Variants in KDM4C observed in about 807,000 individuals in gnomAD.
The protein encoded by KDM4C is lysine demethylase 4C.
Under a neutral mutation model 129.3 loss-of-function variants are expected in KDM4C, and 81 were observed. That is an observed-to-expected ratio of 0.63 (90% CI 0.52 to 0.75). The LOEUF (loss-of-function observed/expected upper bound fraction) is 0.75, where lower values mean the gene tolerates loss of function less well. Among genes scored for constraint, KDM4C ranks in the 30% least tolerant of loss-of-function variants. KDM4C has a pLI of 0.00. For synonymous variants in KDM4C, 573 were observed against 456.1 expected, an observed-to-expected ratio of 1.26 and a Z score of -3.26; for missense variants, 1,457 against 1,304.0, an observed-to-expected ratio of 1.12 and a Z score of -1.81.
chr9:6,935,438 A>T (rs1171578536), intron 8 of KDM4C, among the ~76,000 whole-genome samples: 1 of 150,830 alleles, frequency 6.6e-6, no homozygotes, highest in Non-Finnish European at 1.5e-5. Context: ...TTTTTTTGAG[A>T]TGGAGTCTTG....
At chr9:6,765,446 T>C (rs1820421466) in intron 1 of KDM4C, among the ~76,000 whole-genome samples, 1 of 152,190 alleles carries the variant, frequency 6.6e-6, no homozygotes, top group South Asian at 2.1e-4. Context: ...CTTAATTCCC[T>C]GTATTTTTCC....
intron 19 of KDM4C, among the ~76,000 whole-genome samples, chr9:7,128,541 C>T (rs534974597): frequency 1.3e-5 from 2 of 152,264 alleles, no homozygotes; most frequent in South Asian, 2.1e-4. Context: ...CCTATTCAAA[C>T]CATAGCAGAT....
intron 8 of KDM4C, among the ~76,000 whole-genome samples, chr9:6,903,775 A>G (rs778257120): frequency 6.6e-6 from 1 of 152,226 alleles, no homozygotes; most frequent in African/African-American, 2.4e-5. Flanking sequence ...TAAAAATAAA[A>G]ATATTTAATG....
intron 18 of KDM4C, among the ~76,000 whole-genome samples, chr9:7,119,614 C>G (rs1200236745): frequency 6.7e-6 from 1 of 149,084 alleles, no homozygotes; most frequent in Non-Finnish European, 1.5e-5. Flanking sequence ...CCTTTCCGGT[C>G]AGGGAACCAA....
intron 6 of KDM4C, among the ~76,000 whole-genome samples, chr9:6,881,255 A>G (rs1397399339): frequency 1.3e-5 from 2 of 152,206 alleles, no homozygotes; most frequent in Admixed American, 1.3e-4. Flanking sequence ...TTATAGTATT[A>G]CATTTTAAGA....
At chr9:6,757,830 A>G (rs1203923933), upstream of KDM4C, 1 of 985,538 alleles carries the variant, frequency 1.0e-6, no homozygotes, top group South Asian at 4.7e-5. Flanking sequence ...GATGCGCGCC[A>G]GCAAGCCTAA....
intron 1 of KDM4C, among the ~76,000 whole-genome samples, chr9:6,733,008 G>T (rs577199297): frequency 6.6e-6 from 1 of 151,206 alleles, no homozygotes; most frequent in Non-Finnish European, 1.5e-5. Context: ...GCAAGACTCC[G>T]TCTCAAAAAA....
At chr9:7,154,934 T>C (rs1198334083) in intron 19 of KDM4C, among the ~76,000 whole-genome samples, 1 of 152,194 alleles carries the variant, frequency 6.6e-6, no homozygotes, top group East Asian at 1.9e-4. Context: ...TCAAAGAGTC[T>C]GGACAGCAAC....
At chr9:6,957,056 A>T (rs997932114) in intron 8 of KDM4C, among the ~76,000 whole-genome samples, 1 of 152,130 alleles carries the variant, frequency 6.6e-6, no homozygotes, top group African/African-American at 2.4e-5. Context: ...TTGCTGACCC[A>T]CTTCATAGTG....
chr9:7,129,003 G>A (rs756474250), intron 19 of KDM4C, among the ~76,000 whole-genome samples: 32 of 152,074 alleles, frequency 2.1e-4, no homozygotes, highest in Non-Finnish European at 3.1e-4. Context: ...ATCAAATCTC[G>A]TGACTGAGAG....
chr9:6,751,624 T>A (rs543522945), intron 1 of KDM4C, among the ~76,000 whole-genome samples: 43 of 152,246 alleles, frequency 2.8e-4, no homozygotes, highest in African/African-American at 1.0e-3. Context: ...TATATTAACA[T>A]TAGTTCAAGA....
intron 17 of KDM4C, among the ~76,000 whole-genome samples, chr9:7,081,182 A>G (rs1834484237): frequency 6.6e-6 from 1 of 152,206 alleles, no homozygotes; most frequent in Non-Finnish European, 1.5e-5. Flanking sequence ...TGTTGTCAGT[A>G]AACCTGAAGT....
At chr9:6,906,181 TGA>T (rs1818275641) in intron 8 of KDM4C, among the ~76,000 whole-genome samples, 1 of 152,242 alleles carries the variant, frequency 6.6e-6, no homozygotes, top group Admixed American at 6.5e-5. Flanking sequence ...GATTTCATGA[TGA>T]GAGAGCACTT....
intron 5 of KDM4C, among the ~76,000 whole-genome samples, chr9:6,877,723 G>A (rs1319533995): frequency 2.6e-5 from 4 of 152,158 alleles, no homozygotes; most frequent in Admixed American, 6.5e-5. Context: ...TTCATGGCAA[G>A]AACAATGATT....
At chr9:7,031,840 A>T (rs918187497) in intron 15 of KDM4C, among the ~76,000 whole-genome samples, 1 of 152,182 alleles carries the variant, frequency 6.6e-6, no homozygotes, top group Non-Finnish European at 1.5e-5. Context: ...CATAAATCAT[A>T]GTTATAGAAT....
intron 17 of KDM4C, among the ~76,000 whole-genome samples, chr9:7,083,845 T>C (rs1008363608): frequency 1.3e-5 from 2 of 152,080 alleles, no homozygotes; most frequent in African/African-American, 4.8e-5. Flanking sequence ...AGAGGTTGTG[T>C]CCACTGTAAC....
chr9:6,963,096 C>T (rs564087253), intron 8 of KDM4C, among the ~76,000 whole-genome samples: 1 of 152,294 alleles, frequency 6.6e-6, no homozygotes, highest in East Asian at 1.9e-4. Context: ...TTGGTTTTCT[C>T]ATCTGTTATG....
At chr9:6,749,856 C>T (rs1012600860) in intron 1 of KDM4C, among the ~76,000 whole-genome samples, 3 of 151,226 alleles carry the variant, frequency 2.0e-5, no homozygotes, top group Non-Finnish European at 4.4e-5. Context: ...TGTGGTGGTG[C>T]ATGCCTGTAA....
chr9:6,863,885 A>C (rs1205838537), intron 5 of KDM4C, among the ~76,000 whole-genome samples: 1 of 151,570 alleles, frequency 6.6e-6, no homozygotes, highest in African/African-American at 2.4e-5. Context: ...GTGAGAACTC[A>C]CCCATTACCG....
Sources: allele counts gnomAD v4.1 joint callset (sites outside exome capture counted in the v4.1 genomes callset), GRCh38; gene constraint gnomAD v4.1.1; transcripts MANE v1.5; gene names NCBI Gene and HGNC (gene_info 2026-07-23, HGNC 2026-07-21).